The following AGO3 variants were observed in gnomAD, a reference collection of about 807,000 sequenced individuals.
The protein encoded by AGO3 is argonaute RISC catalytic component 3.
AGO3 carries 16 observed loss-of-function variants against 105.5 expected under a neutral mutation model. The ratio of observed to expected loss-of-function variants is 0.15; its 90% CI spans 0.10 to 0.23. The LOEUF is 0.23. Ranked by LOEUF, AGO3 falls within the 10% of genes least tolerant of loss-of-function variation. The pLI, the probability that AGO3 is intolerant of heterozygous loss-of-function variation, is 1.00. For synonymous variants in AGO3, 340 were observed against 367.3 expected (o/e 0.93, Z 0.85); for missense variants, 534 against 1,088.0 (o/e 0.49, Z 7.16).
chr1:35,972,449 A>T (rs889351470), intron 4 of AGO3, among the ~76,000 whole-genome samples: 1 of 152,228 alleles, frequency 6.6e-6, no homozygotes, highest in Admixed American at 6.5e-5. Flanking sequence ...AGCTAGTCTC[A>T]TGAATAATTT....
chr1:36,003,709 A>AAAATATATAT (rs1295618675), intron 5 of AGO3, among the ~76,000 whole-genome samples: 19 of 99,428 alleles, frequency 1.9e-4, no homozygotes, highest in East Asian at 1.2e-3. Flanking sequence ...AAAAAAAAAA[A>AAAATATATAT]ATATATATAT....
intron 5 of AGO3, among the ~76,000 whole-genome samples, chr1:35,991,853 C>T (rs562693741): frequency 6.6e-6 from 1 of 151,924 alleles, no homozygotes; most frequent in African/African-American, 2.4e-5. Context: ...CCTCAAATTC[C>T]TTTTTGTTTG....
intron 2 of AGO3, among the ~76,000 whole-genome samples, chr1:35,965,591 A>G (rs1485602037): frequency 6.6e-6 from 1 of 151,992 alleles, no homozygotes. Context: ...TTTGCTTTGA[A>G]CTAAAAAATG....
chr1:36,034,259 A>G lies in AGO3; in HGVS notation c.1677A>G (p.Gln559=). The change falls in exon 13 of 19, where the codon CAA becomes CAG. Residue 559 remains glutamine, a synonymous_variant. Coordinates refer to ENST00000373191, the MANE Select transcript of AGO3 (RefSeq NM_024852.4). ...QVKNVIKTSP[Q]TLSNLCLKIN... The stretch of plus-strand genomic sequence containing the variant: ...AGAATGTAATAAAAACATCTCCTCA[A>G]ACTCTGTCAAACTTGTGCCTAAAGA... 6.2e-7 allele frequency: 1 copy of G among 1,611,658 alleles called. No individual in the cohort carries two copies.
intron 5 of AGO3, among the ~76,000 whole-genome samples, chr1:35,975,224 A>T (rs1646934624): frequency 6.6e-6 from 1 of 152,178 alleles, no homozygotes; most frequent in Non-Finnish European, 1.5e-5. Flanking sequence ...GAATGAGAGT[A>T]CCAGTTTCCT....
chr1:35,994,770 C>G (rs1557671776), intron 5 of AGO3, among the ~76,000 whole-genome samples: 1 of 152,080 alleles, frequency 6.6e-6, no homozygotes. Flanking sequence ...TAACATAAAA[C>G]ATAATTTTTA....
At chr1:36,035,037 T>C (rs1157901759) in intron 13 of AGO3, among the ~76,000 whole-genome samples, 1 of 152,146 alleles carries the variant, frequency 6.6e-6, no homozygotes, top group Admixed American at 6.5e-5. Context: ...CAATTAGGCC[T>C]CAAAAAAGTT....
intron 1 of AGO3, among the ~76,000 whole-genome samples, chr1:35,939,507 G>A (rs1022867380): frequency 1.3e-5 from 2 of 152,148 alleles, no homozygotes; most frequent in Non-Finnish European, 2.9e-5. Flanking sequence ...TGTAGAGGAT[G>A]TTGATAGTAG....
At chr1:36,025,824 G>C (rs1641475640) in intron 11 of AGO3, among the ~76,000 whole-genome samples, 2 of 152,098 alleles carry the variant, frequency 1.3e-5, no homozygotes, top group Non-Finnish European at 2.9e-5. Context: ...GATGGCCTGA[G>C]GTCAGGAGTT....
intron 3 of AGO3, 44 bp downstream of exon 3, chr1:35,967,119 GTCTCCTTTT>G (rs761576588): frequency 4.7e-5 from 74 of 1,581,184 alleles, no homozygotes; most frequent in Admixed American, 1.6e-4. Context: ...TTTTTGAAGT[GTCTCCTTTT>G]ACACGCATTT....
intron 16 of AGO3, among the ~76,000 whole-genome samples, chr1:36,042,679 G>T (rs1311723253): frequency 1.3e-5 from 2 of 152,114 alleles, no homozygotes; most frequent in Admixed American, 1.3e-4. Context: ...GTGGAGGTGG[G>T]TATAATAAAC....
At chr1:35,945,617 A>G (rs972274601) in intron 1 of AGO3, 75 bp from the exon 2 acceptor site, 10 of 1,455,374 alleles carry the variant, frequency 6.9e-6, no homozygotes, top group African/African-American at 5.7e-5. Flanking sequence ...TTATAATTCT[A>G]ATATACTCTG....
At chr1:35,974,618 G>T (rs546952346) in intron 5 of AGO3, among the ~76,000 whole-genome samples, 1 of 151,964 alleles carries the variant, frequency 6.6e-6, no homozygotes, top group Non-Finnish European at 1.5e-5. Flanking sequence ...CAGTCTCTAG[G>T]TTCAGAGATT....
At chr1:35,952,395 G>A (rs1246677576) in intron 2 of AGO3, among the ~76,000 whole-genome samples, 4 of 151,724 alleles carry the variant, frequency 2.6e-5, no homozygotes, top group Non-Finnish European at 5.9e-5. Flanking sequence ...TGCCTACCTC[G>A]GCCTCCCAAA....
chr1:36,030,446 G>C (rs1490079062), intron 12 of AGO3, among the ~76,000 whole-genome samples: 1 of 150,696 alleles, frequency 6.6e-6, no homozygotes, highest in Non-Finnish European at 1.5e-5. Flanking sequence ...AGGTTGCAGT[G>C]AGCCAAGATC....
At chr1:35,980,257 A>C (rs1019861956) in intron 5 of AGO3, among the ~76,000 whole-genome samples, 1 of 151,952 alleles carries the variant, frequency 6.6e-6, no homozygotes, top group Admixed American at 6.6e-5. Context: ...TTATTCTGTC[A>C]TGTTGCTTAA....
chr1:36,047,823 G>A (rs761985592), intron 17 of AGO3, among the ~76,000 whole-genome samples: 1 of 151,864 alleles, frequency 6.6e-6, no homozygotes, highest in Non-Finnish European at 1.5e-5. Flanking sequence ...AGGCTGCAAC[G>A]AGCTGAGATC....
At chr1:36,029,551 T>C (rs1190809224) in intron 12 of AGO3, among the ~76,000 whole-genome samples, 1 of 151,840 alleles carries the variant, frequency 6.6e-6, no homozygotes, top group African/African-American at 2.4e-5. Flanking sequence ...CCTGCCACCA[T>C]GTCCAGCTAA....
intron 12 of AGO3, 150 bp from the exon 13 acceptor site, chr1:36,034,024 G>A (rs1641900503): frequency 5.5e-6 from 3 of 549,532 alleles, no homozygotes; most frequent in Non-Finnish European, 8.3e-6. Flanking sequence ...AATTTTAACA[G>A]CATCGCCTTA....
Sources: gnomAD v4.1 joint callset for allele counts (sites outside exome capture counted in the v4.1 genomes callset) on GRCh38, gnomAD v4.1.1 for gene constraint, MANE v1.5 for transcripts, NCBI Gene and HGNC (gene_info 2026-07-23, HGNC 2026-07-21) for gene names.